ACKR3: variants seen among roughly 807,000 people sequenced by gnomAD.
ACKR3 encodes atypical chemokine receptor 3.
In ACKR3, 6 loss-of-function variants were observed where a neutral mutation model predicts 22.4. The ratio of observed to expected loss-of-function variants is 0.27; its 90% CI spans 0.15 to 0.53. ACKR3 has a LOEUF of 0.53. ACKR3 is among the 20% of genes least tolerant of loss of function. The probability of loss-of-function intolerance (pLI) is 0.96; values close to 1 mark genes in which losing one functional copy is unlikely to be tolerated. For synonymous variants in ACKR3, 209 were observed against 205.2 expected (o/e 1.02, Z -0.16); for missense variants, 396 against 475.2 (o/e 0.83, Z 1.55).
the ACKR3 span, among the ~76,000 whole-genome samples, chr2:236,545,565 C>A: frequency 6.6e-6 from 1 of 152,150 alleles, no homozygotes; most frequent in Non-Finnish European, 1.5e-5. This position sits in a 1 kb window ranked among gnomAD's most constrained non-coding sequence, Gnocchi z 5.3. Context: ...AAGAAGAGTG[C>A]ACAAAATATT....
the ACKR3 span, among the ~76,000 whole-genome samples, chr2:236,561,829 G>A: frequency 3.9e-5 from 6 of 152,116 alleles, no homozygotes; most frequent in South Asian, 2.1e-4. Context: ...TGTATTGTTC[G>A]GATTTTCTAA....
At chr2:236,538,087 C>CTT in the ACKR3 span, among the ~76,000 whole-genome samples, 1 of 149,508 alleles carries the variant, frequency 6.7e-6, no homozygotes, top group South Asian at 2.1e-4. Flanking sequence ...GTTTTGTTTT[C>CTT]TTTTTTTTTT....
chr2:236,564,047 A>T (rs1691132907), upstream of ACKR3, among the ~76,000 whole-genome samples: 1 of 152,130 alleles, frequency 6.6e-6, no homozygotes, highest in African/African-American at 2.4e-5. Flanking sequence ...TTGGAATTGG[A>T]CCGAAAGGAA....
chr2:236,555,621 A>T, the ACKR3 span, among the ~76,000 whole-genome samples: 1 of 152,158 alleles, frequency 6.6e-6, no homozygotes, highest in Admixed American at 6.5e-5. Context: ...AGAAGCAGAG[A>T]AAAGAAACAG....
the ACKR3 span, among the ~76,000 whole-genome samples, chr2:236,537,487 C>A: frequency 2.6e-5 from 4 of 152,152 alleles, no homozygotes; most frequent in African/African-American, 9.7e-5. Flanking sequence ...GAAGCAGGTT[C>A]ATCATTTTTA....
the ACKR3 span, among the ~76,000 whole-genome samples, chr2:236,550,457 A>G: frequency 1.3e-5 from 2 of 152,222 alleles, no homozygotes; most frequent in African/African-American, 4.8e-5. The surrounding 1 kb of genome is among the most constrained non-coding windows in gnomAD (Gnocchi z 4.6). Flanking sequence ...AGTAAAATAC[A>G]TGCTGATTGA....
At chr2:236,542,285 A>G in the ACKR3 span, among the ~76,000 whole-genome samples, 1 of 152,242 alleles carries the variant, frequency 6.6e-6, no homozygotes, top group Non-Finnish European at 1.5e-5. Flanking sequence ...GACATTGGCA[A>G]GAGCTAAAAA....
chr2:236,552,151 A>G, the ACKR3 span, among the ~76,000 whole-genome samples: 1 of 152,188 alleles, frequency 6.6e-6, no homozygotes, highest in East Asian at 1.9e-4. Flanking sequence ...TCCCAGAGCA[A>G]AATGGTGCTG....
intron 1 of ACKR3, among the ~76,000 whole-genome samples, chr2:236,576,064 C>T (rs1370337144): frequency 6.6e-6 from 1 of 152,184 alleles, no homozygotes; most frequent in Non-Finnish European, 1.5e-5. Flanking sequence ...CATTCCCCTG[C>T]CTGCCCTGGC....
rs746529360 is a variant in ACKR3 at position 236,580,514 on chromosome 2, A to G, written c.49A>G (p.Ile17Val). The G allele has an allele frequency of 2.5e-6, 4 of 1,614,236 alleles. No homozygotes were observed. Among genetic ancestry groups the G allele is most frequent in the Middle Eastern group, 3.3e-4 (2 of 6,062 alleles). The change falls in exon 2 of 2, where the codon ATC (isoleucine) becomes GTC (valine). Residue 17 changes from isoleucine (I) to valine (V), a missense_variant. Physicochemically the swap from Ile to Val is conservative, Grantham distance 29 (BLOSUM62 3). Coordinates refer to ENST00000272928, the MANE Select transcript of ACKR3 (RefSeq NM_020311.3). ...DYSEPGNFSD[I>V]SWPCNSSDCI... Reference sequence around the variant, plus strand: ...CTCAGAGCCAGGGAACTTCTCGGACATCAGCTGGCCATGCAACAGCAGCGA... The same window carrying G: ...CTCAGAGCCAGGGAACTTCTCGGACGTCAGCTGGCCATGCAACAGCAGCGA...
At chr2:236,567,031 G>A (rs1691200524), upstream of ACKR3, among the ~76,000 whole-genome samples, 1 of 150,324 alleles carries the variant, frequency 6.7e-6, no homozygotes, top group Admixed American at 6.6e-5. Flanking sequence ...TTTTGACAGA[G>A]TCTCACTCTG....
the ACKR3 span, among the ~76,000 whole-genome samples, chr2:236,560,744 C>T: frequency 6.6e-6 from 1 of 152,134 alleles, no homozygotes; most frequent in Admixed American, 6.5e-5. Flanking sequence ...TTGCCAAAAT[C>T]AATGTCATGA....
intron 1 of ACKR3, among the ~76,000 whole-genome samples, chr2:236,575,743 G>C (rs1426789614): frequency 6.6e-6 from 1 of 152,156 alleles, no homozygotes; most frequent in African/African-American, 2.4e-5. Flanking sequence ...AACTCTCCCT[G>C]TGCATGAAGG....
the ACKR3 span, among the ~76,000 whole-genome samples, chr2:236,547,643 A>G: frequency 6.6e-6 from 1 of 152,186 alleles, no homozygotes; most frequent in African/African-American, 2.4e-5. Flanking sequence ...ACTCATTCTT[A>G]ATAGGTAATT....
chr2:236,542,854 T>C, the ACKR3 span, among the ~76,000 whole-genome samples: 4 of 92,742 alleles, frequency 4.3e-5, no homozygotes, highest in East Asian at 1.0e-3. Context: ...ATGAATCTTA[T>C]AATCCTATTT....
chr2:236,540,433 G>A, the ACKR3 span, among the ~76,000 whole-genome samples: 1 of 151,062 alleles, frequency 6.6e-6, no homozygotes, highest in Non-Finnish European at 1.5e-5. Flanking sequence ...CCAGCCCTTT[G>A]CAGATATCTT....
At chr2:236,566,718 C>CCCTTCCCTTCCTT (rs776013246), upstream of ACKR3, among the ~76,000 whole-genome samples, 1 of 114,490 alleles carries the variant, frequency 8.7e-6, no homozygotes, top group Non-Finnish European at 1.7e-5. Context: ...TCCTTTCCTT[C>CCCTTCCCTTCCTT]CCTTCCTTCC....
intron 1 of ACKR3, among the ~76,000 whole-genome samples, chr2:236,571,640 A>C (rs974871023): frequency 2.8e-4 from 42 of 151,282 alleles, no homozygotes; most frequent in Admixed American, 1.3e-4. Flanking sequence ...AAAAAAAAAA[A>C]AACCCAAAAC....
At chr2:236,550,754 G>T in the ACKR3 span, among the ~76,000 whole-genome samples, 1 of 152,138 alleles carries the variant, frequency 6.6e-6, no homozygotes, top group Non-Finnish European at 1.5e-5. This position sits in a 1 kb window ranked among gnomAD's most constrained non-coding sequence, Gnocchi z 4.6. Context: ...TGTCACCAGG[G>T]TTCAAAGAGC....
Sources: gnomAD v4.1 joint callset for allele counts (sites outside exome capture counted in the v4.1 genomes callset) on GRCh38, gnomAD v4.1.1 for gene constraint, Gnocchi (gnomAD v3.1) non-coding constraint, MANE v1.5 for transcripts, NCBI Gene and HGNC (gene_info 2026-07-23, HGNC 2026-07-21) for gene names.